The following STAT4 variants were observed in gnomAD, a reference collection of about 807,000 sequenced individuals.
The protein encoded by STAT4 is signal transducer and activator of transcription 4.
Under a neutral mutation model 110.5 loss-of-function variants are expected in STAT4, and 42 were observed. That is an observed-to-expected ratio of 0.38 (90% CI 0.30 to 0.49). STAT4 has a LOEUF of 0.49. STAT4 is among the 20% of genes least tolerant of loss of function. STAT4 has a pLI of 0.95. For synonymous variants in STAT4, 284 were observed against 302.2 expected (o/e 0.94, Z 0.63); for missense variants, 632 against 887.9 (o/e 0.71, Z 3.66).
intron 18 of STAT4, 45 bp downstream of exon 18, chr2:191,034,503 T>C (rs1360457670): frequency 3.4e-6 from 5 of 1,450,488 alleles, no homozygotes; most frequent in East Asian, 2.3e-5. Context: ...AGGAACATTG[T>C]ATTAAAAAAA....
intron 14 of STAT4, among the ~76,000 whole-genome samples, chr2:191,045,875 A>G (rs1292806763): frequency 1.3e-5 from 2 of 152,212 alleles, no homozygotes; most frequent in Admixed American, 6.5e-5. Context: ...CACCCCTAAA[A>G]GTACTCCCAG....
chr2:191,111,922 AC>A (rs1698436192), intron 3 of STAT4, among the ~76,000 whole-genome samples: 1 of 152,086 alleles, frequency 6.6e-6, no homozygotes, highest in Admixed American at 6.5e-5. Flanking sequence ...TAGAAAATGC[AC>A]CCTAATCTAT....
chr2:191,112,654 G>A lies in STAT4; in HGVS notation c.273+33959C>T, dbSNP rs1025167520. 2.0e-5 allele frequency among the ~76,000 whole-genome samples: 3 copies of A among 152,308 alleles called. No individual in the cohort carries two copies. The highest frequency in any genetic ancestry group is 6.5e-5 in the Admixed American group (1 of 15,292). On this transcript the variant is annotated intron_variant, in intron 3 of 23. Transcript: ENST00000392320. This position sits in a 1 kb window ranked among gnomAD's most constrained non-coding sequence, Gnocchi z 4.3. Reference sequence around the variant, plus strand: ...TTACTGTTATTACTTTCCCAAGTACGACCTCATTTTTGACAACTTTGTGAG... The same window carrying A: ...TTACTGTTATTACTTTCCCAAGTACAACCTCATTTTTGACAACTTTGTGAG...
chr2:191,045,847 G>A (rs1480952416), intron 14 of STAT4, among the ~76,000 whole-genome samples: 1 of 152,158 alleles, frequency 6.6e-6, no homozygotes, highest in Non-Finnish European at 1.5e-5. Flanking sequence ...TAAACATTCT[G>A]CTTAAAAATC....
intron 7 of STAT4, among the ~76,000 whole-genome samples, chr2:191,065,650 C>A (rs1696967832): frequency 6.6e-6 from 1 of 152,022 alleles, no homozygotes; most frequent in Non-Finnish European, 1.5e-5. Context: ...TGCATAAAAA[C>A]ATTAAATTTT....
At chr2:191,040,270 A>T (rs1696152693) in intron 15 of STAT4, among the ~76,000 whole-genome samples, 1 of 152,226 alleles carries the variant, frequency 6.6e-6, no homozygotes, top group Non-Finnish European at 1.5e-5. Flanking sequence ...TGAGGATCAA[A>T]GCAACATACT....
chr2:191,030,485 G>A lies in STAT4; in HGVS notation c.2220+487C>T, dbSNP rs970685327. On this transcript the variant is annotated intron_variant, in intron 23 of 23. Coordinates refer to ENST00000392320, the MANE Select transcript of STAT4 (RefSeq NM_003151.4). The surrounding 1 kb of genome is among the most constrained non-coding windows in gnomAD (Gnocchi z 4.4). ...ACTGTTATTCATATATTATTGATGA[G>A]GCTCCGGGTTCTAGAAATGCAAGTC... Among the ~76,000 whole-genome samples, 4 of 152,104 alleles carry A rather than the reference G, an allele frequency of 2.6e-5. No individual in the cohort carries two copies. Among genetic ancestry groups the A allele is most frequent in the African/African-American group, 9.7e-5 (4 of 41,432 alleles).
In STAT4 at chr2:191,077,640, C is replaced by T. The variant is rs1697353408; in HGVS notation, c.274-1315G>A. ...TTTTTCTAGAGAAAAAATAGGTTAT[C>T]GGTTGTAAACTTTTTTGACTTTGAC... On this transcript the variant is annotated intron_variant, in intron 3 of 23. Transcript: ENST00000392320. The surrounding 1 kb of genome is among the most constrained non-coding windows in gnomAD (Gnocchi z 4.1). 6.6e-6 allele frequency among the ~76,000 whole-genome samples: 1 copy of T among 152,064 alleles called. No homozygotes were observed. Among genetic ancestry groups the T allele is most frequent in the African/African-American group, 2.4e-5 (1 of 41,416 alleles).
At chr2:191,128,225 C>G (rs1320856305) in intron 3 of STAT4, among the ~76,000 whole-genome samples, 2 of 152,100 alleles carry the variant, frequency 1.3e-5, no homozygotes, top group African/African-American at 4.8e-5. Context: ...TGACTGCTAC[C>G]CATGTGTGGC....
rs1574701151 is a variant in STAT4 at position 191,042,051 on chromosome 2, G to T, written c.1252-903C>A. Among the ~76,000 whole-genome samples, 2 of 152,150 alleles carry T rather than the reference G, an allele frequency of 1.3e-5. No individual in the cohort carries two copies. Among genetic ancestry groups the T allele is most frequent in the East Asian group, 3.8e-4 (2 of 5,202 alleles). ...AGCCAGGCTTAAAAGCTCCTGGAAA[G>T]GTATCTGGGAAGTTTGCCAGACCAA... On this transcript the variant is annotated intron_variant, in intron 14 of 23. Coordinates refer to ENST00000392320, the MANE Select transcript of STAT4 (RefSeq NM_003151.4). The surrounding 1 kb of genome is among the most constrained non-coding windows in gnomAD (Gnocchi z 4.2).
intron 13 of STAT4, among the ~76,000 whole-genome samples, chr2:191,055,480 A>G (rs1442070080): frequency 6.7e-6 from 1 of 149,600 alleles, no homozygotes; most frequent in African/African-American, 2.5e-5. Context: ...CGGCCTCCCA[A>G]AGTGCTGGGA....
At position 191,112,155 on chromosome 2, in the gene STAT4, G is replaced by T. The variant is rs1010133710; in HGVS notation, c.273+34458C>A. On this transcript the variant is annotated intron_variant, in intron 3 of 23. Transcript: ENST00000392320. This position sits in a 1 kb window ranked among gnomAD's most constrained non-coding sequence, Gnocchi z 4.3. ...TTGTATGTCATTATACCTCTGTAAGGTTGTTAGAAATTATCATAAACTACA... is the reference window on the plus strand; with the variant it reads ...TTGTATGTCATTATACCTCTGTAAGTTTGTTAGAAATTATCATAAACTACA... Among the ~76,000 whole-genome samples the T allele has an allele frequency of 6.6e-6, 1 of 152,060 alleles. No homozygotes were observed. The highest frequency in any genetic ancestry group is 1.5e-5 in the Non-Finnish European group (1 of 68,018).
intron 3 of STAT4, among the ~76,000 whole-genome samples, chr2:191,078,902 G>C (rs1218013736): frequency 1.3e-5 from 2 of 152,010 alleles, no homozygotes; most frequent in Non-Finnish European, 2.9e-5. Context: ...ATTTTTCTTT[G>C]TGGTTTTGCA....
intron 3 of STAT4, among the ~76,000 whole-genome samples, chr2:191,106,046 A>G (rs1325583912): frequency 6.6e-6 from 1 of 152,162 alleles, no homozygotes; most frequent in Non-Finnish European, 1.5e-5. Flanking sequence ...TTCTGTTACT[A>G]AGGAATTTTG....
chr2:191,127,893 A>G (rs1054788081), intron 3 of STAT4, among the ~76,000 whole-genome samples: 1 of 152,230 alleles, frequency 6.6e-6, no homozygotes, highest in African/African-American at 2.4e-5. Context: ...AACCTAGGAT[A>G]AAATAAAGGC....
intron 6 of STAT4, among the ~76,000 whole-genome samples, chr2:191,067,065 T>TC (rs1697010510): frequency 6.6e-6 from 1 of 151,708 alleles, no homozygotes; most frequent in African/African-American, 2.4e-5. Context: ...TTTTCTTTTT[T>TC]TTTTTTTCAA....
rs1223904952 is a variant in STAT4, at chr2:191,046,692, A to G, written c.1252-5544T>C. ...GATATTGTGATATAATAAGAAATCT[A>G]TATTTGGTCCCTGCACCTGGTTACT... On this transcript the variant is annotated intron_variant, in intron 14 of 23. Transcript: ENST00000392320. This position sits in a 1 kb window ranked among gnomAD's most constrained non-coding sequence, Gnocchi z 4.6. 6.6e-6 allele frequency among the ~76,000 whole-genome samples: 1 copy of G among 152,178 alleles called. No individual in the cohort carries two copies. The highest frequency in any genetic ancestry group is 1.5e-5 in the Non-Finnish European group (1 of 68,022).
chr2:191,052,108 GTGACCACAATCCC>G (rs947021558), intron 14 of STAT4, among the ~76,000 whole-genome samples: 5 of 152,134 alleles, frequency 3.3e-5, no homozygotes, highest in Admixed American at 1.3e-4. Context: ...CCTGTAATTT[GTGACCACAATCCC>G]TGGCCTCATG....
intron 3 of STAT4, among the ~76,000 whole-genome samples, chr2:191,089,270 G>A (rs1331322838): frequency 6.6e-6 from 1 of 152,074 alleles, no homozygotes; most frequent in Non-Finnish European, 1.5e-5. Flanking sequence ...TCTCACCAAA[G>A]AAGATATATA....
Sources: gnomAD v4.1 joint callset for allele counts (sites outside exome capture counted in the v4.1 genomes callset) on GRCh38, gnomAD v4.1.1 for gene constraint, Gnocchi (gnomAD v3.1) non-coding constraint, MANE v1.5 for transcripts, NCBI Gene and HGNC (gene_info 2026-07-23, HGNC 2026-07-21) for gene names.